The following AMPD1 variants were observed in gnomAD, a reference collection of about 807,000 sequenced individuals.
AMPD1 encodes AMP deaminase 1.
Under a neutral mutation model 82.9 loss-of-function variants are expected in AMPD1, and 74 were observed. That is an observed-to-expected ratio of 0.89 (90% confidence interval 0.74 to 1.08). The LOEUF is 1.08. Ranked by LOEUF, AMPD1 falls within the 50% of genes least tolerant of loss-of-function variation. The pLI, the probability that AMPD1 is intolerant of heterozygous loss-of-function variation, is 0.00. For missense variants in AMPD1, 881 were observed against 924.5 expected, an observed-to-expected ratio of 0.95 and a Z score of 0.61; for synonymous variants, 333 against 320.5, an observed-to-expected ratio of 1.04 and a Z score of -0.42.
intron 4 of AMPD1, chr1:114,684,604 T>C (rs895724833): frequency 3.5e-6 from 2 of 571,980 alleles, no homozygotes; most frequent in Non-Finnish European, 3.1e-6. Flanking sequence ...AGTCTTTCCC[T>C]TGTAGTCCTG....
At chr1:114,677,207 C>T in intron 10 of AMPD1, 144 bp downstream of exon 10, 2 of 1,111,026 alleles carry the variant, frequency 1.8e-6, no homozygotes, top group South Asian at 1.5e-5. Context: ...TGGACAAAAC[C>T]AAGCATGCAG....
chr1:114,681,042 C>T (rs1479347892), intron 5 of AMPD1, among the ~76,000 whole-genome samples: 5 of 152,142 alleles, frequency 3.3e-5, no homozygotes, highest in Admixed American at 2.0e-4. Flanking sequence ...GAACTATTTA[C>T]ATAAAGTAAT....
At position 114,695,486 on chromosome 1, in the gene AMPD1, T is replaced by C. The variant is rs377308009; in HGVS notation, c.-15A>G. On this transcript the variant is annotated 5_prime_UTR_variant, in exon 1 of 16. Coordinates refer to ENST00000520113, the MANE Select transcript of AMPD1 (RefSeq NM_000036.3). The stretch of plus-strand genomic sequence containing the variant: ...AACAGAGGCATTGTTGCTGAAATCC[T>C]TGATTCTAGGATAGCACAGTAGAAA... 7 of 1,613,736 alleles carry C rather than the reference T, an allele frequency of 4.3e-6. No individual in the cohort carries two copies. In the African/African-American group the frequency reaches 8.0e-5, roughly 18 times the overall value.
At chr1:114,685,206 G>A (rs1315266479) in intron 4 of AMPD1, among the ~76,000 whole-genome samples, 1 of 152,148 alleles carries the variant, frequency 6.6e-6, no homozygotes, top group African/African-American at 2.4e-5. Flanking sequence ...TGGCACAGAT[G>A]CTAGGTCTGG....
At position 114,674,794 on chromosome 1, in the gene AMPD1, GA is replaced by G; in HGVS notation, c.1757del (p.Phe586SerfsTer2). 6.2e-7 allele frequency: 1 copy of G among 1,613,712 alleles called. No individual in the cohort carries two copies. The highest frequency in any genetic ancestry group is 8.5e-7 in the Non-Finnish European group (1 of 1,179,598). The stretch of plus-strand genomic sequence containing the variant: ...CATGAGAGATATCATCTGCTATCAT[GA>G]ATGCTGTCATGAGATGGGTGAGGGC... Reference protein sequence around the residue: ...AGALTHLMTAFMIADDISHGL... With the variant: ...AGALTHLMTAXMIADDISHGL... On this transcript the variant is annotated frameshift_variant, in exon 13 of 16. Coordinates refer to ENST00000520113, the MANE Select transcript of AMPD1 (RefSeq NM_000036.3). LOFTEE classifies it high-confidence loss of function.
At chr1:114,685,386 G>A (rs538433893) in intron 4 of AMPD1, among the ~76,000 whole-genome samples, 3 of 152,260 alleles carry the variant, frequency 2.0e-5, no homozygotes, top group South Asian at 4.1e-4. Context: ...ACTGAATCGA[G>A]TGTTTACCAG....
chr1:114,674,776 G>A lies in AMPD1; in HGVS notation c.1776C>T (p.Ile592=). 6.2e-7 allele frequency: 1 copy of A among 1,613,792 alleles called. No individual in the cohort carries two copies. Among genetic ancestry groups the A allele is most frequent in the Non-Finnish European group, 8.5e-7 (1 of 1,179,660 alleles). ...LMTAFMIADD[I]SHGLNLKKSP... ...CCTTTTTTAAATTTAGGCCATGAGAGATATCATCTGCTATCATGAATGCTG... is the reference window on the plus strand; with the variant it reads ...CCTTTTTTAAATTTAGGCCATGAGAAATATCATCTGCTATCATGAATGCTG... The change falls in exon 13 of 16, where the codon ATC becomes ATT. Residue 592 remains isoleucine, a synonymous_variant. Coordinates refer to ENST00000520113, the MANE Select transcript of AMPD1 (RefSeq NM_000036.3).
chr1:114,680,211 G>C (rs1204993926), intron 6 of AMPD1, 48 bp downstream of exon 6: 1 of 1,490,852 alleles, frequency 6.7e-7, no homozygotes, highest in Non-Finnish European at 9.4e-7. Flanking sequence ...TTGTTGTTTA[G>C]GTCTTGTAGT....
chr1:114,684,761 C>G (rs954937807), intron 4 of AMPD1, among the ~76,000 whole-genome samples: 6 of 152,152 alleles, frequency 3.9e-5, no homozygotes, highest in African/African-American at 1.4e-4. Flanking sequence ...ACTGAAAGAC[C>G]ATGTGACTCA....
intron 2 of AMPD1, among the ~76,000 whole-genome samples, chr1:114,691,376 A>G (rs1393140346): frequency 1.3e-5 from 2 of 151,084 alleles, no homozygotes; most frequent in African/African-American, 4.9e-5. Context: ...TGGGCAACAT[A>G]GTGAGAACCT....
At chr1:114,683,572 C>CA (rs1658224407) in intron 5 of AMPD1, among the ~76,000 whole-genome samples, 1 of 151,856 alleles carries the variant, frequency 6.6e-6, no homozygotes, top group African/African-American at 2.4e-5. Flanking sequence ...CCCATCTCTA[C>CA]AAAAAAATAC....
intron 2 of AMPD1, among the ~76,000 whole-genome samples, chr1:114,689,748 C>T (rs1658460485): frequency 6.6e-6 from 1 of 152,148 alleles, no homozygotes; most frequent in South Asian, 2.1e-4. Flanking sequence ...ACCCGGGAGG[C>T]AGAGGTTGCA....
rs12354159 is a variant in AMPD1 at position 114,686,658 on chromosome 1, A to G, written c.381+87T>C. On this transcript the variant is annotated intron_variant, in intron 4 of 15. Coordinates refer to ENST00000520113, the MANE Select transcript of AMPD1 (RefSeq NM_000036.3). The stretch of plus-strand genomic sequence containing the variant: ...GACAGGTGAGCTAATACCTCCCTCA[A>G]CAGGAAAGAGAAGAAGGCAAGGAGC... 6.0e-3 allele frequency: 8,644 copies of G among 1,441,076 alleles called. 434 individuals carry two copies. The African/African-American group carries it at 0.11, about 18-fold the overall frequency. The allele number at this position is 1,441,076 out of a possible 1,614,324, so 89.3% of individuals were successfully genotyped here.
chr1:114,684,940 G>A (rs1658266715), intron 4 of AMPD1, among the ~76,000 whole-genome samples: 1 of 152,138 alleles, frequency 6.6e-6, no homozygotes, highest in Non-Finnish European at 1.5e-5. Flanking sequence ...TTTATTTCTG[G>A]GTAAAACTTG....
chr1:114,693,070 A>G (rs1156852835), intron 2 of AMPD1, among the ~76,000 whole-genome samples: 1 of 151,668 alleles, frequency 6.6e-6, no homozygotes, highest in Non-Finnish European at 1.5e-5. Context: ...GGTTGCGATG[A>G]GCAGAGCTCA....
rs1433072170 is a variant in AMPD1 at position 114,673,728 on chromosome 1, C to T, written c.1996G>A (p.Ala666Thr). The change falls in exon 15 of 16, where the codon GCT (alanine) becomes ACT (threonine). Residue 666 changes from alanine (A) to threonine (T), a missense_variant. Around this residue, in one of 2 missense-constraint regions of AMPD1, gnomAD observed 98 missense variants for 138.1 expected, o/e 0.71. Coordinates refer to ENST00000520113, the MANE Select transcript of AMPD1 (RefSeq NM_000036.3). ...AGCTTGAAGACTTGTGCAGCAATAG[C>T]ATATTCTTCCATTAGGGGCTCCTGC... ...FTKEPLMEEY[A>T]IAAQVFKLST... The T allele has an allele frequency of 1.2e-6, 2 of 1,613,916 alleles. No individual in the cohort carries two copies. Among genetic ancestry groups the T allele is most frequent in the South Asian group, 2.2e-5 (2 of 91,074 alleles).
intron 3 of AMPD1, 112 bp from the exon 4 acceptor site, chr1:114,687,022 A>G (rs1658341790): frequency 8.4e-7 from 1 of 1,195,562 alleles, no homozygotes; most frequent in African/African-American, 1.5e-5. Flanking sequence ...AGTAAAAATT[A>G]AAATGTGGTT....
rs1557973975 is a variant in AMPD1 at position 114,688,638 on chromosome 1, G to A, written c.138C>T (p.Ile46=). 6.2e-7 allele frequency: 1 copy of A among 1,614,184 alleles called. No individual in the cohort carries two copies. Among genetic ancestry groups the A allele is most frequent in the South Asian group, 1.1e-5 (1 of 91,082 alleles). ...GCATCTCATGATGAGAAATCGGACAGATCTCATCCACATCAAAGGGGGAAA... is the reference window on the plus strand; with the variant it reads ...GCATCTCATGATGAGAAATCGGACAAATCTCATCCACATCAAAGGGGGAAA... The part of the protein sequence containing the change: ...QEISPFDVDE[I]CPISHHEMQA... Residue 46 remains isoleucine (I), a synonymous_variant, in exon 3 of 16, where the codon ATC becomes ATT. Coordinates refer to ENST00000520113, the MANE Select transcript of AMPD1 (RefSeq NM_000036.3).
At chr1:114,694,438 C>A (rs191696429) in intron 1 of AMPD1, among the ~76,000 whole-genome samples, 96 of 151,670 alleles carry the variant, frequency 6.3e-4, no homozygotes, top group Non-Finnish European at 1.1e-3. Context: ...AATAACAGTG[C>A]CTTTTTAAAA....
Sources: gnomAD v4.1 joint callset for allele counts (sites outside exome capture counted in the v4.1 genomes callset) on GRCh38, gnomAD v4.1.1 for gene constraint, gnomAD v4.1.1 regional missense constraint, MANE v1.5 for transcripts, NCBI Gene and HGNC (gene_info 2026-07-23, HGNC 2026-07-21) for gene names.